PREX2: variants seen among roughly 807,000 people sequenced by gnomAD.
The protein encoded by PREX2 is phosphatidylinositol-3,4,5-trisphosphate dependent Rac exchange factor 2, also known as phosphatidylinositol 3,4,5-trisphosphate-dependent Rac exchanger 2 protein.
In PREX2, 107 loss-of-function variants were observed where a neutral mutation model predicts 203.2. The ratio of observed to expected loss-of-function variants is 0.53; its 90% CI spans 0.45 to 0.62. PREX2 has a LOEUF of 0.62. PREX2 is among the 20% of genes least tolerant of loss of function. PREX2 has a pLI of 0.00. For missense variants in PREX2, 1,777 were observed against 1,955.9 expected, an observed-to-expected ratio of 0.91 and a Z score of 1.72; for synonymous variants, 672 against 663.6, an observed-to-expected ratio of 1.01 and a Z score of -0.19.
chr8:68,137,857 C>T (rs917315898), intron 32 of PREX2, among the ~76,000 whole-genome samples: 5 of 152,124 alleles, frequency 3.3e-5, no homozygotes, highest in South Asian at 2.1e-4. Flanking sequence ...TAGACTAAGA[C>T]GCCATAAAGC....
At chr8:68,215,281 T>A (rs936307499) in intron 37 of PREX2, among the ~76,000 whole-genome samples, 8 of 152,194 alleles carry the variant, frequency 5.3e-5, no homozygotes, top group Non-Finnish European at 1.2e-4. Flanking sequence ...AAGTCTTGTT[T>A]ATAAGTGAGT....
intron 39 of PREX2, among the ~76,000 whole-genome samples, chr8:68,230,787 C>T (rs1423175016): frequency 2.0e-5 from 3 of 152,124 alleles, no homozygotes; most frequent in Non-Finnish European, 4.4e-5. Context: ...GGTAATTTAT[C>T]CTTAGGAAAC....
intron 31 of PREX2, among the ~76,000 whole-genome samples, chr8:68,129,373 T>G (rs2129613292): frequency 6.6e-6 from 1 of 152,302 alleles, no homozygotes; most frequent in East Asian, 1.9e-4. Flanking sequence ...CTTATGATTC[T>G]TTATTTTCCT....
chr8:68,021,349 T>TTGAAAG (rs1410121616), intron 3 of PREX2, among the ~76,000 whole-genome samples: 2 of 152,220 alleles, frequency 1.3e-5, no homozygotes, highest in Non-Finnish European at 2.9e-5. Flanking sequence ...ATAACGCTGT[T>TTGAAAG]TGAAAGTATT....
At chr8:68,146,471 C>T (rs1811329259) in intron 34 of PREX2, 119 bp downstream of exon 34, 1 of 887,100 alleles carries the variant, frequency 1.1e-6, no homozygotes, top group Non-Finnish European at 1.7e-6. Flanking sequence ...ATTATTTAGC[C>T]AATATATTTG....
intron 35 of PREX2, among the ~76,000 whole-genome samples, chr8:68,190,732 A>G (rs1390288571): frequency 6.6e-6 from 1 of 152,050 alleles, no homozygotes; most frequent in African/African-American, 2.4e-5. Flanking sequence ...ATGTATGTAT[A>G]CCCTCTGAAT....
chr8:67,970,280 C>T (rs986221360), intron 1 of PREX2, among the ~76,000 whole-genome samples: 1 of 152,092 alleles, frequency 6.6e-6, no homozygotes, highest in African/African-American at 2.4e-5. Context: ...AGTTCAGATA[C>T]AGTTTAATCA....
At chr8:68,163,330 T>C (rs1811690279) in intron 35 of PREX2, among the ~76,000 whole-genome samples, 1 of 152,218 alleles carries the variant, frequency 6.6e-6, no homozygotes, top group African/African-American at 2.4e-5. Context: ...GCTGAAGCCC[T>C]TACTGAATTT....
chr8:68,162,200 A>AG (rs1811670184), intron 35 of PREX2, among the ~76,000 whole-genome samples: 1 of 151,830 alleles, frequency 6.6e-6, no homozygotes, highest in Non-Finnish European at 1.5e-5. Flanking sequence ...CCTAGTCACT[A>AG]ATTTTCAGTG....
chr8:68,044,724 G>A, intron 8 of PREX2, 134 bp downstream of exon 8: 1 of 665,050 alleles, frequency 1.5e-6, no homozygotes, highest in East Asian at 2.7e-5. Flanking sequence ...AAAGTGGTTG[G>A]GTAGAGAAAA....
At chr8:68,036,876 G>T (rs993707034) in intron 6 of PREX2, among the ~76,000 whole-genome samples, 2 of 152,162 alleles carry the variant, frequency 1.3e-5, no homozygotes, top group African/African-American at 2.4e-5. Context: ...GGAGGCGGAG[G>T]TTGTGGCGAG....
intron 39 of PREX2, among the ~76,000 whole-genome samples, chr8:68,229,587 A>G (rs1813126635): frequency 6.6e-6 from 1 of 152,220 alleles, no homozygotes; most frequent in South Asian, 2.1e-4. Context: ...CTATTTCATT[A>G]GGTGATCACA....
At chr8:68,139,899 T>C (rs1811193280) in intron 33 of PREX2, among the ~76,000 whole-genome samples, 1 of 152,204 alleles carries the variant, frequency 6.6e-6, no homozygotes, top group Admixed American at 6.5e-5. Context: ...TGGATATGTA[T>C]AGAATAGGAT....
intron 1 of PREX2, among the ~76,000 whole-genome samples, chr8:67,990,036 A>C (rs545035878): frequency 6.6e-6 from 1 of 151,904 alleles, no homozygotes; most frequent in African/African-American, 2.4e-5. Flanking sequence ...CTCAGGCTGG[A>C]GTGCAGTGGC....
intron 35 of PREX2, among the ~76,000 whole-genome samples, chr8:68,183,800 C>A (rs1434753): frequency 0.021 from 3,227 of 152,210 alleles, 44 homozygotes; most frequent in Non-Finnish European, 0.032. Context: ...CTCACAACAT[C>A]ATTACATTTT....
At chr8:68,066,615 T>C (rs1425151313) in intron 11 of PREX2, among the ~76,000 whole-genome samples, 1 of 152,140 alleles carries the variant, frequency 6.6e-6, no homozygotes, top group East Asian at 1.9e-4. Context: ...TTTGAATATT[T>C]GCCTCCTACT....
rs371460123 is a variant in PREX2, at chr8:68,090,571, A to G, written c.2114-8A>G. ...TGTTTTTGGTTATTTTCTCATTTGT[A>G]TTTATAGGAACTGTGGCTGCAGCAG... is the stretch of plus-strand genomic sequence containing the variant. On this transcript the variant is annotated splice_polypyrimidine_tract_variant and splice_region_variant and intron_variant, in intron 19 of 39. Transcript: ENST00000288368. 2.5e-6 allele frequency: 4 copies of G among 1,598,004 alleles called. No homozygotes were observed. Among genetic ancestry groups the G allele is most frequent in the Non-Finnish European group, 3.4e-6 (4 of 1,168,070 alleles).
chr8:68,211,884 A>G (rs554161810), intron 37 of PREX2, among the ~76,000 whole-genome samples: 1 of 152,312 alleles, frequency 6.6e-6, no homozygotes, highest in African/African-American at 2.4e-5. Context: ...AAATGTTGCC[A>G]CTGGAAAGCA....
intron 7 of PREX2, among the ~76,000 whole-genome samples, chr8:68,043,998 A>G (rs964726103): frequency 1.3e-5 from 2 of 152,122 alleles, no homozygotes; most frequent in African/African-American, 4.8e-5. Context: ...TAAAAATATG[A>G]TAGGAGAAAT....
Sources: allele counts gnomAD v4.1 joint callset (sites outside exome capture counted in the v4.1 genomes callset), GRCh38; gene constraint gnomAD v4.1.1; transcripts MANE v1.5; gene names NCBI Gene and HGNC (gene_info 2026-07-23, HGNC 2026-07-21).